Variants in NKAIN2 observed in about 807,000 individuals in gnomAD.
NKAIN2 encodes the protein sodium/potassium transporting ATPase interacting 2, also known as sodium/potassium-transporting ATPase subunit beta-1-interacting protein 2.
Under a neutral mutation model 32.6 loss-of-function variants are expected in NKAIN2, and 14 were observed. The ratio of observed to expected loss-of-function variants is 0.43; its 90% confidence interval spans 0.28 to 0.67. The LOEUF (loss-of-function observed/expected upper bound fraction) is 0.67. NKAIN2 is among the 30% of genes least tolerant of loss of function. The probability of loss-of-function intolerance (pLI) is 0.17; values close to 1 mark genes in which losing one functional copy is unlikely to be tolerated. For synonymous variants in NKAIN2, 80 were observed against 87.2 expected (o/e 0.92, Z 0.46); for missense variants, 198 against 258.3 (o/e 0.77, Z 1.60).
At chr6:123,907,683 A>AC (rs1774954668) in intron 1 of NKAIN2, among the ~76,000 whole-genome samples, 1 of 151,668 alleles carries the variant, frequency 6.6e-6, no homozygotes, top group Non-Finnish European at 1.5e-5. Flanking sequence ...ATAGCCTCTC[A>AC]CCCCCCACTG....
At chr6:124,425,768 C>CT (rs147140662) in intron 3 of NKAIN2, among the ~76,000 whole-genome samples, 1,975 of 152,158 alleles carry the variant, frequency 0.013, 47 homozygotes, top group African/African-American at 0.045. Context: ...GAGCTAATAT[C>CT]TGTTAATGTG....
At chr6:124,607,372 A>T (rs1782539096) in intron 3 of NKAIN2, among the ~76,000 whole-genome samples, 2 of 152,106 alleles carry the variant, frequency 1.3e-5, no homozygotes, top group African/African-American at 4.8e-5. Context: ...GTGAGCTTTA[A>T]CAGGCCAAAC....
At chr6:124,639,503 G>A (rs180971272) in intron 3 of NKAIN2, among the ~76,000 whole-genome samples, 3 of 151,966 alleles carry the variant, frequency 2.0e-5, no homozygotes, top group East Asian at 1.9e-4. Flanking sequence ...GCATGGTGGC[G>A]TGTGCCTGTA....
At chr6:124,326,850 T>C (rs1419337364) in intron 2 of NKAIN2, among the ~76,000 whole-genome samples, 4 of 152,186 alleles carry the variant, frequency 2.6e-5, no homozygotes, top group African/African-American at 4.8e-5. Context: ...TAGGTAACCA[T>C]AGCAGTGTTC....
At chr6:123,938,575 A>G (rs1776667029) in intron 1 of NKAIN2, among the ~76,000 whole-genome samples, 1 of 136,094 alleles carries the variant, frequency 7.3e-6, no homozygotes, top group African/African-American at 2.7e-5. Context: ...TATATTATAT[A>G]TATTTATATA....
intron 4 of NKAIN2, among the ~76,000 whole-genome samples, chr6:124,726,339 C>T (rs1298372842): frequency 1.9e-4 from 29 of 152,308 alleles, no homozygotes; most frequent in African/African-American, 7.0e-4. Context: ...CAGTGGTTCT[C>T]CCAGCACACA....
In NKAIN2 at chr6:124,164,051, T is replaced by A. The variant is rs911659841; in HGVS notation, c.55-118954T>A. On this transcript the variant is annotated intron_variant, in intron 1 of 6. Transcript: ENST00000368417. ...TATTTGGTTTGCTTTTTAAAAAAAA[T>A]TTCCATCAATATTTACAAAGTAAGG... Among the ~76,000 whole-genome samples the A allele has an allele frequency of 3.3e-5, 5 of 151,958 alleles. No individual in the cohort carries two copies. In the East Asian group the frequency reaches 5.8e-4, roughly 18 times the overall value.
rs575724397 is a variant in NKAIN2 at position 124,153,090 on chromosome 6, A to G, written c.55-129915A>G. ...AATAAGTACTAGTATTCAACAGTAT[A>G]GTAGGAAAATGACAGTTAACAATAA... On this transcript the variant is annotated intron_variant, in intron 1 of 6. Transcript: ENST00000368417. Among the ~76,000 whole-genome samples, 22 of 152,014 alleles carry G rather than the reference A, an allele frequency of 1.4e-4. 1 individual carries two copies. In the South Asian group the frequency reaches 4.6e-3, roughly 31 times the overall value.
intron 1 of NKAIN2, among the ~76,000 whole-genome samples, chr6:124,105,472 T>C (rs370863916): frequency 4.7e-4 from 71 of 152,286 alleles, no homozygotes; most frequent in African/African-American, 1.7e-3. Flanking sequence ...GCATTGTGTC[T>C]GGGAGAGAAT....
chr6:124,687,743 T>TACACACACACAC (rs373594549), intron 4 of NKAIN2, among the ~76,000 whole-genome samples: 1,931 of 104,304 alleles, frequency 0.019, 68 homozygotes, highest in Admixed American at 0.029. Context: ...ATATGATATA[T>TACACACACACAC]ACACACACAC....
intron 1 of NKAIN2, among the ~76,000 whole-genome samples, chr6:124,081,083 TC>T (rs1783948044): frequency 6.6e-6 from 1 of 152,146 alleles, no homozygotes; most frequent in South Asian, 2.1e-4. Context: ...AGTCGTTTAA[TC>T]CTATATTAAA....
intron 1 of NKAIN2, among the ~76,000 whole-genome samples, chr6:124,050,598 T>A (rs1782358810): frequency 6.6e-6 from 1 of 151,988 alleles, no homozygotes; most frequent in South Asian, 2.1e-4. Context: ...GTGTTATATA[T>A]CCCGACTTAC....
rs1235165686 is a variant in NKAIN2, at chr6:124,658,214, T to C, written c.302T>C (p.Ile101Thr). Residue 101 changes from isoleucine to threonine, a missense_variant, in exon 4 of 7, where the codon ATA becomes ACA. Coordinates refer to ENST00000368417, the MANE Select transcript of NKAIN2 (RefSeq NM_001040214.3). ...KETDLILTFNISMHRSWWMEN... is the reference protein window; with the variant it reads ...KETDLILTFNTSMHRSWWMEN... ...ACAGACCTTATCCTGACTTTTAATA[T>C]ATCAATGCACCGATCTTGGTGGATG... The C allele has an allele frequency of 1.9e-6, 3 of 1,609,866 alleles. No homozygotes were observed. The highest frequency in any genetic ancestry group is 2.7e-5 in the African/African-American group (2 of 74,810).
chr6:124,586,392 A>G (rs1583478502), intron 3 of NKAIN2, among the ~76,000 whole-genome samples: 1 of 152,142 alleles, frequency 6.6e-6, no homozygotes, highest in East Asian at 1.9e-4. Flanking sequence ...AGAGCTCAAC[A>G]TAGAGTACAC....
At chr6:123,871,585 G>A (rs1232456093) in intron 1 of NKAIN2, among the ~76,000 whole-genome samples, 1 of 152,000 alleles carries the variant, frequency 6.6e-6, no homozygotes, top group Non-Finnish European at 1.5e-5. Flanking sequence ...ACATATCCAG[G>A]AGCTTCCAGA....
At chr6:124,510,151 G>A (rs202064493) in intron 3 of NKAIN2, among the ~76,000 whole-genome samples, 3 of 148,606 alleles carry the variant, frequency 2.0e-5, no homozygotes, top group African/African-American at 2.5e-5. Flanking sequence ...AGTGCTTTGG[G>A]AAAAAAAAAA....
intron 5 of NKAIN2, among the ~76,000 whole-genome samples, chr6:124,812,760 A>G (rs991925457): frequency 2.0e-5 from 3 of 151,950 alleles, no homozygotes; most frequent in Non-Finnish European, 2.9e-5. Flanking sequence ...AAGCAGCAAT[A>G]TGCCCCTGGC....
chr6:124,759,332 T>C (rs568345210), intron 4 of NKAIN2, among the ~76,000 whole-genome samples: 8 of 152,264 alleles, frequency 5.3e-5, no homozygotes, highest in African/African-American at 1.9e-4. Context: ...TAACATGCAT[T>C]GACAAATTTT....
intron 3 of NKAIN2, among the ~76,000 whole-genome samples, chr6:124,634,367 C>T (rs979289268): frequency 6.6e-6 from 1 of 152,106 alleles, no homozygotes; most frequent in African/African-American, 2.4e-5. Flanking sequence ...GCAAGCAATT[C>T]ATGATCTGAC....
Sources: allele counts gnomAD v4.1 joint callset (sites outside exome capture counted in the v4.1 genomes callset), GRCh38; gene constraint gnomAD v4.1.1; transcripts MANE v1.5; gene names NCBI Gene and HGNC (gene_info 2026-07-23, HGNC 2026-07-21).